Variants in RARB observed in about 807,000 individuals in gnomAD.
RARB encodes HBV-activated protein.
RARB carries 17 observed loss-of-function variants against 51.9 expected under a neutral mutation model. The observed-to-expected ratio is 0.33, with a 90% CI of 0.22 to 0.49. The LOEUF is 0.49. Among genes scored for constraint, RARB ranks in the 20% least tolerant of loss-of-function variants. RARB has a pLI of 0.99. For missense variants in RARB, 369 were observed against 550.8 expected (o/e 0.67, Z 3.30); for synonymous variants, 215 against 195.4 (o/e 1.10, Z -0.84).
rs143880465 is a variant in RARB, at chr3:24,866,535, G to A, written c.-380+7783G>A. 7.9e-5 allele frequency among the ~76,000 whole-genome samples: 12 copies of A among 152,154 alleles called. No individual in the cohort carries two copies. The East Asian group carries it at 1.9e-3, about 25-fold the overall frequency. On this transcript the variant is annotated intron_variant, in intron 2 of 11. Transcript: ENST00000383772. Reference sequence around the variant, plus strand: ...GCATGGTTTAAGAAATAGGCTTCGTGGGGGGAATGGGAAAACTGACCAAAC... The same window carrying A: ...GCATGGTTTAAGAAATAGGCTTCGTAGGGGGAATGGGAAAACTGACCAAAC...
At chr3:25,174,838 G>GTGTGGTTAATATC (rs1360915002) in intron 5 of RARB, among the ~76,000 whole-genome samples, 1 of 152,210 alleles carries the variant, frequency 6.6e-6, no homozygotes, top group Non-Finnish European at 1.5e-5. Context: ...TGATGAGCAT[G>GTGTGGTTAATATC]TGTGGTTAAT....
chr3:25,109,256 G>A (rs1318121242), intron 3 of RARB, among the ~76,000 whole-genome samples: 2 of 152,074 alleles, frequency 1.3e-5, no homozygotes, highest in Admixed American at 1.3e-4. Flanking sequence ...AGATATGATT[G>A]AAGATGTTAA....
chr3:25,439,627 G>A (rs531121776), intron 1 of RARB, among the ~76,000 whole-genome samples: 4 of 152,208 alleles, frequency 2.6e-5, no homozygotes, highest in African/African-American at 4.8e-5. Context: ...TAAACTCCTG[G>A]GCTCAAGCAA....
intron 1 of RARB, among the ~76,000 whole-genome samples, chr3:25,456,048 A>G (rs1694888048): frequency 6.6e-6 from 1 of 152,004 alleles, no homozygotes. Context: ...AGATCGCTGA[A>G]TGAGCTAATA....
chr3:25,380,876 T>G (rs1036616526), intron 5 of RARB, among the ~76,000 whole-genome samples: 1 of 152,218 alleles, frequency 6.6e-6, no homozygotes, highest in Admixed American at 6.5e-5. Context: ...TGACATCTAC[T>G]TGGACTTTAG....
chr3:24,834,692 G>A (rs1702320004), intron 1 of RARB, among the ~76,000 whole-genome samples: 1 of 152,114 alleles, frequency 6.6e-6, no homozygotes, highest in African/African-American at 2.4e-5. Flanking sequence ...TGGTATCATT[G>A]GACTCGAAGG....
At chr3:25,381,217 G>T (rs1329542285) in intron 5 of RARB, among the ~76,000 whole-genome samples, 1 of 152,166 alleles carries the variant, frequency 6.6e-6, no homozygotes. Flanking sequence ...CAGCCTTGAG[G>T]TTGTTAACAT....
chr3:25,173,569 C>A (rs17015894), intron 4 of RARB, among the ~76,000 whole-genome samples: 2,448 of 152,078 alleles, frequency 0.016, 59 homozygotes, highest in African/African-American at 0.052. Flanking sequence ...AAATAGCCAC[C>A]GTAAAATCCA....
At chr3:25,157,561 C>A (rs1246147151) in intron 4 of RARB, among the ~76,000 whole-genome samples, 2 of 89,820 alleles carry the variant, frequency 2.2e-5, no homozygotes, top group Non-Finnish European at 5.1e-5. Context: ...CAACACCCAG[C>A]TAATTTTTTA....
chr3:25,359,777 A>G (rs1705870577), intron 5 of RARB, among the ~76,000 whole-genome samples: 2 of 151,932 alleles, frequency 1.3e-5, no homozygotes, highest in Non-Finnish European at 2.9e-5. Context: ...CCATGTTGTT[A>G]TGAGGTTTTG....
intron 1 of RARB, among the ~76,000 whole-genome samples, chr3:25,451,432 C>G (rs910627667): frequency 1.3e-5 from 2 of 152,176 alleles, no homozygotes; most frequent in African/African-American, 4.8e-5. Flanking sequence ...ATGGCATTTT[C>G]TTTCTTTTTA....
chr3:25,005,074 GT>G (rs1311717203), intron 2 of RARB, among the ~76,000 whole-genome samples: 4 of 152,060 alleles, frequency 2.6e-5, no homozygotes, highest in African/African-American at 9.7e-5. Flanking sequence ...GTTTCTAGTG[GT>G]TTGAGTGGTT....
chr3:25,111,641 C>T (rs1317948030), intron 3 of RARB, among the ~76,000 whole-genome samples: 1 of 140,944 alleles, frequency 7.1e-6, no homozygotes, highest in East Asian at 2.4e-4. Flanking sequence ...TGCACTGGCA[C>T]AATCTCAGCT....
chr3:25,123,989 A>T (rs1699824320), intron 3 of RARB, among the ~76,000 whole-genome samples: 1 of 152,268 alleles, frequency 6.6e-6, no homozygotes, highest in African/African-American at 2.4e-5. Flanking sequence ...ACTCAGATAC[A>T]CCCCTTAGTA....
chr3:25,044,127 G>A (rs554264512), intron 2 of RARB, among the ~76,000 whole-genome samples: 1 of 152,212 alleles, frequency 6.6e-6, no homozygotes, highest in East Asian at 1.9e-4. Context: ...ATTTTAAACA[G>A]CAAAACCCTT....
In RARB at chr3:25,142,866, A is replaced by G. The variant is rs898025530; in HGVS notation, c.-280+10658A>G. 3.3e-5 allele frequency among the ~76,000 whole-genome samples: 5 copies of G among 152,346 alleles called. No homozygotes were observed. In the South Asian group the frequency reaches 8.3e-4, roughly 25 times the overall value. On this transcript the variant is annotated intron_variant, in intron 4 of 11. Transcript: ENST00000383772. ...TGGCCACTGAGGAATTGCCGTCTTC[A>G]GTAAACAAAAGCAGACCTGTCCCCG...
At chr3:25,046,175 A>G (rs1280846047) in intron 2 of RARB, among the ~76,000 whole-genome samples, 1 of 152,196 alleles carries the variant, frequency 6.6e-6, no homozygotes, top group Non-Finnish European at 1.5e-5. Context: ...TGGAGAAAAA[A>G]ACCGCTGGGC....
intron 5 of RARB, among the ~76,000 whole-genome samples, chr3:25,348,362 C>A (rs1075410): frequency 6.7e-6 from 1 of 148,954 alleles, no homozygotes; most frequent in African/African-American, 2.5e-5. Flanking sequence ...GCAATAATAA[C>A]TATAGTGGGA....
At chr3:24,963,428 G>A (rs543788267) in intron 2 of RARB, among the ~76,000 whole-genome samples, 2 of 148,378 alleles carry the variant, frequency 1.3e-5, no homozygotes, top group South Asian at 4.4e-4. Context: ...TTGTTGTCAC[G>A]CTCATGGCCT....
Sources: allele counts gnomAD v4.1 joint callset (sites outside exome capture counted in the v4.1 genomes callset), GRCh38; gene constraint gnomAD v4.1.1; transcripts MANE v1.5; gene names NCBI Gene and HGNC (gene_info 2026-07-23, HGNC 2026-07-21).